MED12L: variants seen among roughly 807,000 people sequenced by gnomAD.
MED12L encodes the protein mediator of RNA polymerase II transcription subunit 12-like protein.
A neutral mutation model predicts 281.3 loss-of-function variants in MED12L; 60 were observed. The ratio of observed to expected loss-of-function variants is 0.21; its 90% CI spans 0.17 to 0.26. The LOEUF (loss-of-function observed/expected upper bound fraction) is 0.26, where lower values mean the gene tolerates loss of function less well. MED12L is among the 10% of genes least tolerant of loss of function. The pLI is 1.00. For missense variants in MED12L, 2,146 were observed against 2,680.9 expected, an observed-to-expected ratio of 0.80 and a Z score of 4.41; for synonymous variants, 974 against 987.2, an observed-to-expected ratio of 0.99 and a Z score of 0.25.
rs149544268 is a variant in MED12L, at chr3:151,328,434, T to C, written c.2251-21625T>C. 6.6e-5 allele frequency: 107 copies of C among 1,613,474 alleles called. 1 individual carries two copies. The African/African-American group carries it at 1.3e-3, about 20-fold the overall frequency. On this transcript the variant is annotated intron_variant, in intron 16 of 44. Transcript: ENST00000687756. ...ATAAACTGGCATATGTTATTTACCA[T>C]TTGATGCCATTTCAGCCCCAGAGGC...
At chr3:151,225,268 G>C (rs769624158) in intron 16 of MED12L, among the ~76,000 whole-genome samples, 1 of 152,092 alleles carries the variant, frequency 6.6e-6, no homozygotes, top group African/African-American at 2.4e-5. Flanking sequence ...TCCTTCTTCT[G>C]CTTAGCTCCT....
chr3:151,343,598 T>A (rs1253693133), intron 16 of MED12L, among the ~76,000 whole-genome samples: 1 of 151,558 alleles, frequency 6.6e-6, no homozygotes, highest in African/African-American at 2.4e-5. Flanking sequence ...AAGTTATAGA[T>A]ACTTTAATCT....
intron 16 of MED12L, chr3:151,337,360 G>A (rs1356657572): frequency 6.4e-6 from 1 of 157,444 alleles, no homozygotes; most frequent in Non-Finnish European, 1.4e-5. Context: ...TATCCCAATA[G>A]GTCAGGATTT....
At chr3:151,357,566 T>A (rs373384102) in intron 20 of MED12L, among the ~76,000 whole-genome samples, 190 bp downstream of exon 20, 5 of 152,178 alleles carry the variant, frequency 3.3e-5, no homozygotes, top group African/African-American at 1.2e-4. Context: ...TTTCTAATAA[T>A]GTGTGATTCC....
At chr3:151,178,877 A>G (rs986688711) in intron 11 of MED12L, among the ~76,000 whole-genome samples, 1 of 152,174 alleles carries the variant, frequency 6.6e-6, no homozygotes, top group African/African-American at 2.4e-5. Flanking sequence ...TAAACCCATA[A>G]CTTAATCTGC....
chr3:151,186,230 G>T (rs1440293449), intron 12 of MED12L, among the ~76,000 whole-genome samples: 1 of 152,186 alleles, frequency 6.6e-6, no homozygotes, highest in Non-Finnish European at 1.5e-5. Flanking sequence ...GCCTGTGACT[G>T]TTAGCAGGGA....
intron 16 of MED12L, among the ~76,000 whole-genome samples, chr3:151,301,810 A>G (rs1745964350): frequency 6.6e-6 from 1 of 152,236 alleles, no homozygotes; most frequent in Non-Finnish European, 1.5e-5. Context: ...AAGAATTTAA[A>G]ATTACGGTAC....
intron 16 of MED12L, among the ~76,000 whole-genome samples, chr3:151,306,130 C>T (rs1391080664): frequency 6.6e-6 from 1 of 152,208 alleles, no homozygotes; most frequent in Non-Finnish European, 1.5e-5. Flanking sequence ...TACTTAACCT[C>T]TATAGATCCC....
chr3:151,229,947 A>C (rs1339121044), intron 16 of MED12L, among the ~76,000 whole-genome samples: 1 of 152,008 alleles, frequency 6.6e-6, no homozygotes, highest in Non-Finnish European at 1.5e-5. Context: ...TCCTAGGCTC[A>C]CATGTTGGGA....
rs1268285470 is a variant in MED12L, at chr3:151,385,173, C to T, written c.5070C>T (p.Asp1690=). 2 of 1,530,854 alleles carry T rather than the reference C, an allele frequency of 1.3e-6. No homozygotes were observed. The highest frequency in any genetic ancestry group is 1.8e-6 in the Non-Finnish European group (2 of 1,120,832). 94.8% of individuals were successfully genotyped at this position (1,530,854 alleles called of 1,614,324 possible). A position where few individuals can be genotyped will look rare whatever the true frequency, so the allele number is the denominator to read the frequency against. ...DTKGNKIAGF[D]SIDKKQGLQV... is the part of the protein sequence containing the mutation. ...AAGGAAACAAAATTGCTGGATTTGACTCTATAGATAAAAAACAGGCAAGAG... is the reference window on the plus strand; with the variant it reads ...AAGGAAACAAAATTGCTGGATTTGATTCTATAGATAAAAAACAGGCAAGAG... The change falls in exon 36 of 45, where the codon GAC becomes GAT. Residue 1690 remains aspartate, a synonymous_variant. Transcript: ENST00000687756.
chr3:151,257,803 G>T (rs1738105994), intron 16 of MED12L, among the ~76,000 whole-genome samples: 1 of 152,092 alleles, frequency 6.6e-6, no homozygotes, highest in African/African-American at 2.4e-5. Flanking sequence ...ACCACCTTTT[G>T]TTCAAGTGTC....
chr3:151,312,475 G>T (rs574227354), intron 16 of MED12L, among the ~76,000 whole-genome samples: 2 of 152,086 alleles, frequency 1.3e-5, no homozygotes, highest in African/African-American at 4.8e-5. Flanking sequence ...GAGGCATTCC[G>T]AATCTTGATA....
intron 16 of MED12L, among the ~76,000 whole-genome samples, chr3:151,226,886 A>G (rs944220370): frequency 1.1e-4 from 16 of 152,232 alleles, no homozygotes; most frequent in African/African-American, 3.6e-4. Context: ...TGGTGATTAC[A>G]ACAGGTAACG....
chr3:151,328,082 G>C (rs1749867971), intron 16 of MED12L: 1 of 1,609,980 alleles, frequency 6.2e-7, no homozygotes. Context: ...TAGCTTTTCT[G>C]TGAATTTTTT....
At chr3:151,376,731 C>T in intron 28 of MED12L, 69 bp from the exon 29 acceptor site, 1 of 1,255,012 alleles carries the variant, frequency 8.0e-7, no homozygotes, top group South Asian at 1.2e-5. Flanking sequence ...AGAAGGAGTA[C>T]TGTAAGAAAT....
intron 16 of MED12L, among the ~76,000 whole-genome samples, chr3:151,275,995 T>G (rs1741789065): frequency 6.6e-6 from 1 of 152,146 alleles, no homozygotes; most frequent in African/African-American, 2.4e-5. Flanking sequence ...ATGAAATGCC[T>G]TCTTAGCATC....
At chr3:151,406,744 T>C (rs977259779) in intron 39 of MED12L, among the ~76,000 whole-genome samples, 1 of 152,110 alleles carries the variant, frequency 6.6e-6, no homozygotes, top group East Asian at 1.9e-4. Flanking sequence ...ATTTTCTGAA[T>C]GTTTTGTGAT....
chr3:151,115,106 G>A lies in MED12L; in HGVS notation c.100-1232G>A, dbSNP rs141325442. ...GCAAAGATCAAGTGAGCCAAAATAC[G>A]TGAGAAAACATTGCAGCTCTAAACT... On this transcript the variant is annotated intron_variant, in intron 2 of 44. Coordinates refer to ENST00000687756, the MANE Select transcript of MED12L (RefSeq NM_001393769.1). Among the ~76,000 whole-genome samples, 83 of 152,228 alleles carry A rather than the reference G, an allele frequency of 5.5e-4. 1 individual carries two copies. The Middle Eastern group carries it at 0.01, about 19-fold the overall frequency.
chr3:151,139,132 T>C (rs1716566720), intron 5 of MED12L, among the ~76,000 whole-genome samples: 1 of 152,218 alleles, frequency 6.6e-6, no homozygotes, highest in African/African-American at 2.4e-5. Flanking sequence ...CCTTTGTCCA[T>C]TGAGAGCTCT....
Sources: allele counts gnomAD v4.1 joint callset (sites outside exome capture counted in the v4.1 genomes callset), GRCh38; gene constraint gnomAD v4.1.1; transcripts MANE v1.5; gene names NCBI Gene and HGNC (gene_info 2026-07-23, HGNC 2026-07-21).